TRABD: variants seen among roughly 807,000 people sequenced by gnomAD.
TRABD encodes TraB domain containing, also known as traB domain-containing protein.
Under a neutral mutation model 39.6 loss-of-function variants are expected in TRABD, and 23 were observed. That is an observed-to-expected ratio of 0.58 (90% CI 0.42 to 0.82). The LOEUF is 0.82. Ranked by LOEUF, TRABD falls within the 40% of genes least tolerant of loss-of-function variation. The pLI, the probability that TRABD is intolerant of heterozygous loss-of-function variation, is 0.00. For synonymous variants in TRABD, 243 were observed against 232.1 expected (o/e 1.05, Z -0.43); for missense variants, 487 against 544.9 (o/e 0.89, Z 1.06).
At chr22:50,196,528 G>T (rs1230292735) in intron 5 of TRABD, among the ~76,000 whole-genome samples, 1 of 152,180 alleles carries the variant, frequency 6.6e-6, no homozygotes, top group Non-Finnish European at 1.5e-5. Flanking sequence ...GCCTCGGGCT[G>T]TAGCTGCTGA....
At chr22:50,187,295 G>A (rs1456580774) in intron 1 of TRABD, among the ~76,000 whole-genome samples, 1 of 152,246 alleles carries the variant, frequency 6.6e-6, no homozygotes, top group Non-Finnish European at 1.5e-5. Context: ...TGGCTCAGGT[G>A]TGTTTCCCGT....
intron 7 of TRABD, 42 bp from the exon 8 acceptor site, chr22:50,197,781 C>CCCCCCCCCGGGGG: frequency 6.7e-7 from 1 of 1,497,098 alleles, no homozygotes; most frequent in Non-Finnish European, 9.2e-7. Flanking sequence ...CCCCCCAGCC[C>CCCCCCCCCGGGGG]GTTGCCCATC....
rs752639846 is a variant in TRABD, at chr22:50,194,387, C to T, written c.160C>T (p.Arg54Trp). The T allele has an allele frequency of 5.6e-6, 9 of 1,612,648 alleles. No homozygotes were observed. The highest frequency in any genetic ancestry group is 1.3e-5 in the African/African-American group (1 of 74,924). ...NLLLEMKLKR[R>W]RQRPNLPRTV... is the part of the protein sequence containing the mutation. ...GCTCCTGGAGATGAAGCTGAAGCGG[C>T]GGCGTCAGCGGCCCAACCTGCCGCG... Residue 54 changes from arginine (R) to tryptophan (W), a missense_variant, in exon 4 of 10, where the codon CGG becomes TGG. Arg to Trp is a moderately radical substitution (Grantham distance 101, BLOSUM62 -3). Transcript: ENST00000380909.
At position 50,197,263 on chromosome 22, in the gene TRABD, T is replaced by TG; in HGVS notation, c.444dup (p.Gln149AlafsTer42). The TG allele has an allele frequency of 6.2e-7, 1 of 1,613,194 alleles. No individual in the cohort carries two copies. The highest frequency in any genetic ancestry group is 8.5e-7 in the Non-Finnish European group (1 of 1,179,958). ...CAGAACGGGCTCATGTCGGGGCTGA[T>TG]GCAGATGCTGCTGCTGAAGGTGTCT... On this transcript the variant is annotated frameshift_variant, in exon 6 of 10. Coordinates refer to ENST00000380909, the MANE Select transcript of TRABD (RefSeq NM_001320485.2). LOFTEE classifies it high-confidence loss of function.
chr22:50,190,355 C>T (rs988200130), intron 1 of TRABD, among the ~76,000 whole-genome samples: 56 of 152,306 alleles, frequency 3.7e-4, no homozygotes, highest in African/African-American at 1.3e-3. Flanking sequence ...CCCCATGGCA[C>T]GACTGGGGTC....
chr22:50,186,512 G>C lies in TRABD; in HGVS notation c.-35+536G>C, dbSNP rs546815476. On this transcript the variant is annotated intron_variant, in intron 1 of 9. Transcript: ENST00000380909. ...GCGGCCTCGCGGGAAGGCGCGGGTC[G>C]GACCTCGAGTCCCAGGGTCCTCGCG... Among the ~76,000 whole-genome samples, 573 of 152,232 alleles carry C rather than the reference G, an allele frequency of 3.8e-3. 2 individuals carry two copies. Among genetic ancestry groups the C allele is most frequent in the Non-Finnish European group, 6.8e-3 (460 of 67,976 alleles).
chr22:50,197,959 G>A lies in TRABD; in HGVS notation c.808G>A (p.Ala270Thr). ...CTACCTAACCTACATGCTGCGCCAG[G>A]CCGCGCGGCGCCTCGAGCTGCCTCG... The part of the protein sequence containing the change: ...DVYLTYMLRQ[A>T]ARRLELPRAS... The change falls in exon 8 of 10, where the codon GCC (alanine) becomes ACC (threonine). Residue 270 changes from alanine to threonine, a missense_variant. Ala to Thr is a moderately conservative substitution (Grantham distance 58, BLOSUM62 0). Transcript: ENST00000380909. 1 of 1,612,604 alleles carries A rather than the reference G, an allele frequency of 6.2e-7. No individual in the cohort carries two copies.
chr22:50,194,823 C>T (rs1017106702), intron 4 of TRABD, 77 bp from the exon 5 acceptor site: 2 of 1,548,564 alleles, frequency 1.3e-6, no homozygotes, highest in Non-Finnish European at 1.7e-6. Context: ...TGGGATGGGG[C>T]CCCTGGTGCT....
Position 50,194,349 on chromosome 22 carries a change from A to G in TRABD, c.122A>G (p.Asp41Gly). Residue 41 changes from aspartate (D) to glycine (G), a missense_variant, in exon 4 of 10, where the codon GAC becomes GGC. Physicochemically the swap from Asp to Gly is moderately conservative, Grantham distance 94. Around this residue, in one of 3 missense-constraint regions of TRABD, gnomAD observed 358 missense variants for 414.7 expected, o/e 0.86. Transcript: ENST00000380909. Reference protein sequence around the residue: ...SGDPQNLSDVDAFNLLLEMKL... With the variant: ...SGDPQNLSDVGAFNLLLEMKL... ...TGTGCTGCTGTTGCAGCCGACGTGG[A>G]CGCCTTCAACCTGCTCCTGGAGATG... 1 of 1,611,644 alleles carries G rather than the reference A, an allele frequency of 6.2e-7. No individual in the cohort carries two copies. Among genetic ancestry groups the G allele is most frequent in the Non-Finnish European group, 8.5e-7 (1 of 1,178,972 alleles).
chr22:50,194,386 G>A lies in TRABD; in HGVS notation c.159G>A (p.Arg53=), dbSNP rs565493354. 82 of 1,612,786 alleles carry A rather than the reference G, an allele frequency of 5.1e-5. 4 individuals are homozygous for A. In the South Asian group the frequency reaches 8.7e-4, roughly 17 times the overall value. ...FNLLLEMKLK[R]RRQRPNLPRT... is the part of the protein sequence containing the mutation. ...TGCTCCTGGAGATGAAGCTGAAGCG[G>A]CGGCGTCAGCGGCCCAACCTGCCGC... The change falls in exon 4 of 10, where the codon CGG becomes CGA. Residue 53 remains arginine, a synonymous_variant. Transcript: ENST00000380909.
intron 7 of TRABD, 87 bp downstream of exon 7, chr22:50,197,675 A>T: frequency 6.3e-7 from 1 of 1,581,042 alleles, no homozygotes; most frequent in Non-Finnish European, 8.6e-7. Flanking sequence ...AGCGCAGCCA[A>T]TCCTCACTCA....
In TRABD at chr22:50,198,734, T is replaced by TC; in HGVS notation, c.*219dup. On this transcript the variant is annotated 3_prime_UTR_variant, in exon 10 of 10. Coordinates refer to ENST00000380909, the MANE Select transcript of TRABD (RefSeq NM_001320485.2). The surrounding 1 kb of genome is among the most constrained non-coding windows in gnomAD (Gnocchi z 7.9). ...TGAGCTCAGGCCTCCCGGCAGCCCC[T>TC]CCCCTCCCACACTGCAGGGGCCGTT... 1.9e-6 allele frequency: 1 copy of TC among 532,312 alleles called. No individual in the cohort carries two copies. Among genetic ancestry groups the TC allele is most frequent in the Non-Finnish European group, 3.3e-6 (1 of 306,458 alleles). The allele number at this position is 532,312 out of a possible 1,614,324, so 33.0% of individuals were successfully genotyped here.
In TRABD at chr22:50,197,916, C is replaced by T. The variant is rs1308489609; in HGVS notation, c.765C>T (p.Ile255=). ...IGEFPDLHRT[I]VSERDVYLTY... is the part of the protein sequence containing the mutation. ...AGTTCCCAGACCTGCACCGCACCAT[C>T]GTCTCGGAGCGCGACGTCTACCTAA... The change falls in exon 8 of 10, where the codon ATC becomes ATT. Residue 255 remains isoleucine (I), a synonymous_variant. Coordinates refer to ENST00000380909, the MANE Select transcript of TRABD (RefSeq NM_001320485.2). 8 of 1,613,084 alleles carry T rather than the reference C, an allele frequency of 5.0e-6. No homozygotes were observed. The highest frequency in any genetic ancestry group is 1.7e-5 in the Admixed American group (1 of 60,020).
chr22:50,193,596 G>A lies in TRABD; in HGVS notation c.54G>A (p.Val18=), dbSNP rs1221494781. The A allele has an allele frequency of 6.2e-7, 1 of 1,613,856 alleles. No individual in the cohort carries two copies. The highest frequency in any genetic ancestry group is 1.1e-5 in the South Asian group (1 of 91,084). ...TGCAGGCCAACGTGGAACCTGTTGT[G>A]CCGTCAGAGGCTTCAGAGCCGGTGC... ...PPHEANVEPV[V]PSEASEPVPR... is the part of the protein sequence containing the mutation. Residue 18 remains valine, a synonymous_variant, in exon 3 of 10, where the codon GTG becomes GTA. Transcript: ENST00000380909.
At chr22:50,197,774 C>CCCCCCCCCCGGGG in intron 7 of TRABD, 49 bp from the exon 8 acceptor site, 1 of 1,472,238 alleles carries the variant, frequency 6.8e-7, no homozygotes, top group Non-Finnish European at 9.4e-7. Flanking sequence ...GCCCCACCCC[C>CCCCCCCCCCGGGG]CCAGCCCGTT....
At chr22:50,197,128 C>A in intron 5 of TRABD, 113 bp from the exon 6 acceptor site, 1 of 1,115,238 alleles carries the variant, frequency 9.0e-7, no homozygotes, top group Non-Finnish European at 1.3e-6. Flanking sequence ...GGACACAGCA[C>A]TGGGCTGGGG....
In TRABD at chr22:50,199,181, C is replaced by T; in HGVS notation, c.*662C>T. ...AATCCAAAGGGAGAGAATTCGTGTT[C>T]TTGGGTCTGTCCCGAGTGGGCTCGC... On this transcript the variant is annotated 3_prime_UTR_variant, in exon 10 of 10. Transcript: ENST00000380909. 4 of 715,976 alleles carry T rather than the reference C, an allele frequency of 5.6e-6. No individual in the cohort carries two copies. The highest frequency in any genetic ancestry group is 4.0e-5 in the Admixed American group (2 of 49,976). The allele number at this position is 715,976 out of a possible 1,614,324, so 44.4% of individuals were successfully genotyped here. A position where few individuals can be genotyped will look rare whatever the true frequency, so the allele number is the denominator to read the frequency against.
chr22:50,189,181 G>A (rs1048292943), intron 1 of TRABD, among the ~76,000 whole-genome samples: 7 of 152,342 alleles, frequency 4.6e-5, no homozygotes, highest in South Asian at 2.1e-4. Context: ...GAGGCTGACC[G>A]CTAAAGCAGC....
At chr22:50,194,195 G>C (rs1007887227) in intron 3 of TRABD, 145 bp from the exon 4 acceptor site, 1 of 1,031,882 alleles carries the variant, frequency 9.7e-7, no homozygotes, top group East Asian at 2.6e-5. Flanking sequence ...AAAGCCTGTG[G>C]AGTGTGACGC....
Sources: allele counts gnomAD v4.1 joint callset (sites outside exome capture counted in the v4.1 genomes callset), GRCh38; gene constraint gnomAD v4.1.1; regional missense constraint gnomAD v4.1.1; non-coding constraint Gnocchi (gnomAD v3.1); transcripts MANE v1.5; gene names NCBI Gene and HGNC (gene_info 2026-07-23, HGNC 2026-07-21).